CCSER1: variants seen among roughly 807,000 people sequenced by gnomAD.
CCSER1 encodes the protein coiled-coil serine rich protein 1.
Under a neutral mutation model 82.0 loss-of-function variants are expected in CCSER1, and 41 were observed. The observed-to-expected ratio is 0.50, with a 90% CI of 0.39 to 0.65. The LOEUF (loss-of-function observed/expected upper bound fraction) is 0.65. Ranked by LOEUF, CCSER1 falls within the 30% of genes least tolerant of loss-of-function variation. CCSER1 has a pLI of 0.00. For synonymous variants in CCSER1, 414 were observed against 383.9 expected, an observed-to-expected ratio of 1.08 and a Z score of -0.92; for missense variants, 1,119 against 1,064.2, an observed-to-expected ratio of 1.05 and a Z score of -0.72.
chr4:91,055,076 T>C (rs1010203896), intron 9 of CCSER1, among the ~76,000 whole-genome samples: 1 of 152,222 alleles, frequency 6.6e-6, no homozygotes, highest in African/African-American at 2.4e-5. Context: ...CCTAGCTTAC[T>C]GTCTTCTTTG....
chr4:90,735,142 T>C (rs1328849507), intron 7 of CCSER1, among the ~76,000 whole-genome samples: 1 of 152,184 alleles, frequency 6.6e-6, no homozygotes, highest in African/African-American at 2.4e-5. Context: ...TTTTTGTATG[T>C]TAAACCAGGC....
At chr4:91,132,389 G>GC (rs1232651752) in intron 10 of CCSER1, among the ~76,000 whole-genome samples, 1 of 152,286 alleles carries the variant, frequency 6.6e-6, no homozygotes, top group East Asian at 1.9e-4. Context: ...ATGCAGCACT[G>GC]CATCTAAATT....
intron 10 of CCSER1, among the ~76,000 whole-genome samples, chr4:91,107,458 T>A (rs1188146150): frequency 6.6e-6 from 1 of 152,102 alleles, no homozygotes; most frequent in Non-Finnish European, 1.5e-5. Flanking sequence ...GGTTTCACCA[T>A]GTGAGTCAGG....
chr4:91,208,905 A>G (rs1413307772), intron 10 of CCSER1, among the ~76,000 whole-genome samples: 3 of 151,430 alleles, frequency 2.0e-5, no homozygotes, highest in African/African-American at 4.8e-5. Flanking sequence ...GTGTCTTGTA[A>G]TTGTTATTGT....
chr4:91,104,198 G>A (rs1462614512), intron 10 of CCSER1, among the ~76,000 whole-genome samples: 1 of 152,164 alleles, frequency 6.6e-6, no homozygotes, highest in Non-Finnish European at 1.5e-5. Context: ...ATGCACCACT[G>A]AACATAGCCC....
At chr4:90,422,559 C>A (rs141468668) in intron 4 of CCSER1, among the ~76,000 whole-genome samples, 2,558 of 152,176 alleles carry the variant, frequency 0.017, 70 homozygotes, top group African/African-American at 0.058. Flanking sequence ...TGCACCACTG[C>A]ACTCCAGCCT....
intron 1 of CCSER1, among the ~76,000 whole-genome samples, chr4:90,239,025 AT>A (rs1746338526): frequency 6.6e-6 from 1 of 151,990 alleles, no homozygotes; most frequent in African/African-American, 2.4e-5. Flanking sequence ...TAATTTTTGT[AT>A]TTTTAGTAGA....
chr4:91,517,901 A>AG (rs373533469), intron 10 of CCSER1, among the ~76,000 whole-genome samples: 2 of 152,064 alleles, frequency 1.3e-5, no homozygotes, highest in East Asian at 1.9e-4. Flanking sequence ...TTGGTTTCAC[A>AG]GGGGGGGTAT....
chr4:90,385,284 T>G (rs1214742257), intron 3 of CCSER1, among the ~76,000 whole-genome samples: 1 of 152,148 alleles, frequency 6.6e-6, no homozygotes. Flanking sequence ...GATCTACTTT[T>G]AGATCTTTGA....
chr4:90,457,154 CTGGACCAGG>C (rs1762278183), intron 4 of CCSER1, among the ~76,000 whole-genome samples: 1 of 152,164 alleles, frequency 6.6e-6, no homozygotes, highest in South Asian at 2.1e-4. Context: ...GAGGCTATGG[CTGGACCAGG>C]TGTACCGCAA....
chr4:90,643,080 T>G (rs1484842783), intron 6 of CCSER1, among the ~76,000 whole-genome samples: 1 of 152,188 alleles, frequency 6.6e-6, no homozygotes, highest in Admixed American at 6.6e-5. Flanking sequence ...AAAAAAATAA[T>G]GATTTCTCAT....
intron 5 of CCSER1, among the ~76,000 whole-genome samples, chr4:90,611,188 C>T (rs942200353): frequency 5.3e-5 from 8 of 150,246 alleles, no homozygotes; most frequent in Admixed American, 1.3e-4. Flanking sequence ...CGTGAGCCAC[C>T]GCGCCCAGCC....
intron 10 of CCSER1, among the ~76,000 whole-genome samples, chr4:91,283,850 A>G (rs543412431): frequency 1.3e-5 from 2 of 152,048 alleles, no homozygotes; most frequent in African/African-American, 4.8e-5. Flanking sequence ...CTCGCAGGCA[A>G]TTATGTGAGT....
At chr4:91,423,514 A>G (rs1413079888) in intron 10 of CCSER1, among the ~76,000 whole-genome samples, 3 of 152,148 alleles carry the variant, frequency 2.0e-5, no homozygotes, top group Admixed American at 2.0e-4. Flanking sequence ...TGCTTAGCAA[A>G]AATAGGTGAA....
At position 91,295,414 on chromosome 4, in the gene CCSER1, G is replaced by A. The variant is rs372600450; in HGVS notation, c.2217+209420G>A. On this transcript the variant is annotated intron_variant, in intron 10 of 10. Coordinates refer to ENST00000509176, the MANE Select transcript of CCSER1 (RefSeq NM_001145065.2). ...AGAGGCAAAATTTTTACTACAGTTA[G>A]TCTCCAAAAATACCATAAAGATTTT... is the stretch of plus-strand genomic sequence containing the variant. Among the ~76,000 whole-genome samples the A allele has an allele frequency of 2.6e-5, 4 of 151,754 alleles. No individual in the cohort carries two copies. The East Asian group carries it at 5.8e-4, about 22-fold the overall frequency.
intron 10 of CCSER1, among the ~76,000 whole-genome samples, chr4:91,343,292 A>G (rs562706623): frequency 5.3e-5 from 8 of 152,120 alleles, no homozygotes; most frequent in Non-Finnish European, 1.0e-4. Flanking sequence ...GTATGATGCA[A>G]AAATCTTTCC....
chr4:91,228,317 T>G (rs1044625441), intron 10 of CCSER1, among the ~76,000 whole-genome samples: 5 of 152,068 alleles, frequency 3.3e-5, no homozygotes, highest in Non-Finnish European at 7.4e-5. Context: ...AGCAGACACC[T>G]GTTTCTTTGG....
chr4:91,528,303 A>G (rs961632351), intron 10 of CCSER1, among the ~76,000 whole-genome samples: 7 of 152,204 alleles, frequency 4.6e-5, no homozygotes, highest in Non-Finnish European at 8.8e-5. Context: ...TTATCAACCA[A>G]TAATAATTAA....
intron 5 of CCSER1, among the ~76,000 whole-genome samples, chr4:90,510,646 A>T (rs1430234134): frequency 6.6e-6 from 1 of 152,210 alleles, no homozygotes; most frequent in Non-Finnish European, 1.5e-5. Flanking sequence ...GAGGAGAAGA[A>T]GATTTGGGGA....
Sources: gnomAD v4.1 joint callset for allele counts (sites outside exome capture counted in the v4.1 genomes callset) on GRCh38, gnomAD v4.1.1 for gene constraint, MANE v1.5 for transcripts, NCBI Gene and HGNC (gene_info 2026-07-23, HGNC 2026-07-21) for gene names.